Variants in NAA15 observed in about 807,000 individuals in gnomAD.
The protein encoded by NAA15 is N-alpha-acetyltransferase 15, NatA auxiliary subunit, also known as N-terminal acetyltransferase.
In NAA15, 34 loss-of-function variants were observed where a neutral mutation model predicts 114.0. That is an observed-to-expected ratio of 0.30 (90% CI 0.23 to 0.40). The LOEUF is 0.40. Ranked by LOEUF, NAA15 falls within the 10% of genes least tolerant of loss-of-function variation. The pLI is 1.00. For missense variants in NAA15, 658 were observed against 1,004.5 expected, an observed-to-expected ratio of 0.66 and a Z score of 4.66; for synonymous variants, 340 against 338.0, an observed-to-expected ratio of 1.01 and a Z score of -0.06.
intron 18 of NAA15, among the ~76,000 whole-genome samples, chr4:139,385,438 G>A (rs557294158): frequency 6.6e-6 from 1 of 151,470 alleles, no homozygotes; most frequent in Non-Finnish European, 1.5e-5. Context: ...AAACTTAAAT[G>A]TATATCATAA....
chr4:139,351,388 T>C, intron 8 of NAA15, 102 bp downstream of exon 8: 2 of 1,034,214 alleles, frequency 1.9e-6, no homozygotes, highest in South Asian at 2.8e-5. Context: ...AAGCTATACA[T>C]TGTTAGAGTT....
intron 10 of NAA15, among the ~76,000 whole-genome samples, 168 bp downstream of exon 10, chr4:139,354,266 G>T (rs1747871227): frequency 6.6e-6 from 1 of 152,088 alleles, no homozygotes; most frequent in Admixed American, 6.6e-5. Flanking sequence ...GATGATATTT[G>T]GTTAGAAGAG....
intron 15 of NAA15, among the ~76,000 whole-genome samples, chr4:139,376,001 G>C (rs1215130648): frequency 6.6e-6 from 1 of 152,076 alleles, no homozygotes; most frequent in Non-Finnish European, 1.5e-5. Context: ...CACTCATTCT[G>C]TCATGGTCTC....
At chr4:139,335,742 A>G (rs1416668021) in intron 2 of NAA15, among the ~76,000 whole-genome samples, 1 of 150,328 alleles carries the variant, frequency 6.7e-6, no homozygotes, top group Non-Finnish European at 1.5e-5. Flanking sequence ...TTGCATATAA[A>G]TTGTCATAAT....
At chr4:139,313,961 A>G (rs1746301933) in intron 1 of NAA15, among the ~76,000 whole-genome samples, 1 of 151,940 alleles carries the variant, frequency 6.6e-6, no homozygotes, top group African/African-American at 2.4e-5. Flanking sequence ...TATGGGGAAA[A>G]TGAGTTTGAC....
Position 139,370,320 on chromosome 4 carries a change from G to A in NAA15, c.1863G>A (p.Gln621=). The A allele has an allele frequency of 6.3e-7, 1 of 1,598,612 alleles. No individual in the cohort carries two copies. Among genetic ancestry groups the A allele is most frequent in the Non-Finnish European group, 8.5e-7 (1 of 1,171,558 alleles). The change falls in exon 15 of 20, where the codon CAG becomes CAA. Residue 621 remains glutamine (Q), a synonymous_variant. Coordinates refer to ENST00000296543, the MANE Select transcript of NAA15 (RefSeq NM_057175.5). ...EKKNAEKEKQ[Q]RNQKKKKDDD... is the part of the protein sequence containing the mutation. ...AAAATGCAGAAAAAGAAAAGCAGCA[G>A]AGAAATCAGAAAAAGAAGAAGGATG...
chr4:139,384,054 A>T (rs1748825544), intron 17 of NAA15, among the ~76,000 whole-genome samples: 1 of 152,224 alleles, frequency 6.6e-6, no homozygotes, highest in African/African-American at 2.4e-5. Context: ...CTAGGGGTTT[A>T]GAAGGCTGTG....
intron 1 of NAA15, among the ~76,000 whole-genome samples, chr4:139,313,958 A>C (rs929806891): frequency 3.3e-5 from 5 of 151,944 alleles, no homozygotes; most frequent in Admixed American, 2.6e-4. Context: ...GCTTATGGGG[A>C]AAATGAGTTT....
intron 3 of NAA15, among the ~76,000 whole-genome samples, chr4:139,338,273 T>A (rs1316404966): frequency 6.6e-6 from 1 of 152,234 alleles, no homozygotes; most frequent in Non-Finnish European, 1.5e-5. Flanking sequence ...AAAACCATGA[T>A]CCAAACGGCT....
intron 1 of NAA15, among the ~76,000 whole-genome samples, chr4:139,322,154 T>C (rs547653985): frequency 7.2e-4 from 110 of 152,324 alleles, no homozygotes; most frequent in African/African-American, 2.6e-3. Flanking sequence ...CCAAATCTTA[T>C]CTTGAATTCC....
intron 1 of NAA15, among the ~76,000 whole-genome samples, chr4:139,330,992 G>C (rs751329754): frequency 5.3e-5 from 8 of 151,742 alleles, no homozygotes; most frequent in Non-Finnish European, 8.8e-5. Flanking sequence ...TTCTTTCCCA[G>C]ATTTTAAATA....
intron 15 of NAA15, among the ~76,000 whole-genome samples, chr4:139,371,394 G>A (rs1307147286): frequency 2.0e-5 from 3 of 151,200 alleles, no homozygotes; most frequent in Admixed American, 6.6e-5. Context: ...GTTCAAGGCT[G>A]CAGTACACTG....
intron 10 of NAA15, among the ~76,000 whole-genome samples, 196 bp downstream of exon 10, chr4:139,354,294 T>G (rs988873389): frequency 5.3e-5 from 8 of 152,166 alleles, no homozygotes; most frequent in Non-Finnish European, 8.8e-5. Context: ...TTATCTTTGT[T>G]TTTTGTGTTT....
At chr4:139,303,444 TTCTCTCTCCCTATGTATATGTATA>T (rs1199966676) in intron 1 of NAA15, among the ~76,000 whole-genome samples, 1 of 152,240 alleles carries the variant, frequency 6.6e-6, no homozygotes, top group African/African-American at 2.4e-5. Context: ...CATATATGCT[TTCTCTCTCCCTATGTATATGTATA>T]TATACATTTG....
At chr4:139,326,228 G>T (rs531627421) in intron 1 of NAA15, among the ~76,000 whole-genome samples, 2 of 152,160 alleles carry the variant, frequency 1.3e-5, no homozygotes, top group South Asian at 2.1e-4. Flanking sequence ...GATTGTCTGG[G>T]TTCAGATTCT....
At chr4:139,321,172 CTG>C (rs1305081868) in intron 1 of NAA15, among the ~76,000 whole-genome samples, 1 of 151,644 alleles carries the variant, frequency 6.6e-6, no homozygotes, top group Admixed American at 6.6e-5. Context: ...TTAATCGACT[CTG>C]TTTTTATTAT....
chr4:139,320,050 T>C (rs1465598316), intron 1 of NAA15, among the ~76,000 whole-genome samples: 8 of 152,246 alleles, frequency 5.3e-5, no homozygotes, highest in African/African-American at 1.9e-4. Context: ...TGAGCATTTT[T>C]ATAGCACTGA....
intron 10 of NAA15, 81 bp downstream of exon 10, chr4:139,354,179 T>A: frequency 8.6e-7 from 1 of 1,160,542 alleles, no homozygotes; most frequent in South Asian, 1.3e-5. Context: ...AGGTCAGTAT[T>A]ATTACTTAGG....
chr4:139,348,806 A>G (rs926200657), intron 6 of NAA15, among the ~76,000 whole-genome samples: 2 of 152,154 alleles, frequency 1.3e-5, no homozygotes, highest in African/African-American at 4.8e-5. Flanking sequence ...TTGATTTTTG[A>G]TAATTGGGGC....
Sources: allele counts gnomAD v4.1 joint callset (sites outside exome capture counted in the v4.1 genomes callset), GRCh38; gene constraint gnomAD v4.1.1; transcripts MANE v1.5; gene names NCBI Gene and HGNC (gene_info 2026-07-23, HGNC 2026-07-21).